Variants in SLC7A1 observed in about 807,000 individuals in gnomAD.
SLC7A1 encodes the protein solute carrier family 7 member 1.
In SLC7A1, 10 loss-of-function variants were observed where a neutral mutation model predicts 53.9. That is an observed-to-expected ratio of 0.19 (90% CI 0.11 to 0.31). The LOEUF (loss-of-function observed/expected upper bound fraction) is 0.31. Ranked by LOEUF, SLC7A1 falls within the 10% of genes least tolerant of loss-of-function variation. The pLI is 1.00. For missense variants in SLC7A1, 525 were observed against 827.2 expected (o/e 0.63, Z 4.48); for synonymous variants, 342 against 338.7 (o/e 1.01, Z -0.11).
chr13:29,525,376 T>C (rs768085954), intron 5 of SLC7A1, among the ~76,000 whole-genome samples: 10 of 152,182 alleles, frequency 6.6e-5, no homozygotes, highest in Non-Finnish European at 1.0e-4. Flanking sequence ...CACTCAACCA[T>C]ATTGACAGCC....
chr13:29,556,086 C>A (rs1870427232), intron 1 of SLC7A1, among the ~76,000 whole-genome samples: 1 of 152,154 alleles, frequency 6.6e-6, no homozygotes, highest in South Asian at 2.1e-4. Flanking sequence ...CTAAAGTGTT[C>A]CTCCCTTTCT....
chr13:29,568,042 G>A (rs1387914712), intron 1 of SLC7A1, among the ~76,000 whole-genome samples: 1 of 151,778 alleles, frequency 6.6e-6, no homozygotes, highest in Non-Finnish European at 1.5e-5. Context: ...GGACTCCATC[G>A]AAAAAATGGC....
chr13:29,583,040 T>C (rs1871720289), intron 1 of SLC7A1, among the ~76,000 whole-genome samples: 1 of 152,184 alleles, frequency 6.6e-6, no homozygotes, highest in South Asian at 2.1e-4. Flanking sequence ...AACAATACGC[T>C]CCAGTTAGTC....
At chr13:29,530,743 C>A in intron 4 of SLC7A1, 31 bp from the exon 5 acceptor site, 1 of 1,602,214 alleles carries the variant, frequency 6.2e-7, no homozygotes, top group Non-Finnish European at 8.5e-7. Context: ...AAAACTTTGT[C>A]TGAGTGTTAA....
chr13:29,570,738 T>C (rs1302509013), intron 1 of SLC7A1, among the ~76,000 whole-genome samples: 2 of 151,906 alleles, frequency 1.3e-5, no homozygotes, highest in African/African-American at 4.8e-5. Context: ...GTGCTTATAG[T>C]CCCAGCAACC....
Position 29,536,172 on chromosome 13 carries a change from A to G in SLC7A1, c.17T>C (p.Leu6Pro). The change falls in exon 3 of 13, where the codon CTG (leucine) becomes CCG (proline). Residue 6 changes from leucine (L) to proline (P), a missense_variant. Physicochemically the swap from Leu to Pro is moderately conservative, Grantham distance 98. Around this residue, in one of 4 missense-constraint regions of SLC7A1, gnomAD observed 354 missense variants for 587.5 expected, o/e 0.60. Transcript: ENST00000380752. ...CAGCATCTGCTGCCCAATGTTGAGC[A>G]GGACTTTGCACCCCATGTTGCTGTT... Reference protein sequence around the residue: MGCKVLLNIGQQMLRR... With the variant: MGCKVPLNIGQQMLRR... The G allele has an allele frequency of 6.2e-7, 1 of 1,613,492 alleles. No homozygotes were observed. The highest frequency in any genetic ancestry group is 8.5e-7 in the Non-Finnish European group (1 of 1,179,640).
chr13:29,567,043 T>C (rs1333440114), intron 1 of SLC7A1, among the ~76,000 whole-genome samples: 1 of 152,228 alleles, frequency 6.6e-6, no homozygotes, highest in Non-Finnish European at 1.5e-5. Flanking sequence ...GTAACCGTCA[T>C]TCTGCTTTGA....
rs1869406132 is a variant in SLC7A1 at position 29,536,115 on chromosome 13, T to G, written c.74A>C (p.Glu25Ala). ...GTTCAGGCAGCGAGACAGCCGCGTCTCCTCCCGGCTACAGTCCACCACCTT... is the reference window on the plus strand; with the variant it reads ...GTTCAGGCAGCGAGACAGCCGCGTCGCCTCCCGGCTACAGTCCACCACCTT... ...RRKVVDCSRE[E>A]TRLSRCLNTF... is the part of the protein sequence containing the mutation. Residue 25 changes from glutamate (E) to alanine (A), a missense_variant, in exon 3 of 13, where the codon GAG becomes GCG. Transcript: ENST00000380752. The G allele has an allele frequency of 6.2e-7, 1 of 1,613,810 alleles. No homozygotes were observed. The highest frequency in any genetic ancestry group is 8.5e-7 in the Non-Finnish European group (1 of 1,180,016).
chr13:29,518,721 T>C (rs192476380), intron 9 of SLC7A1, among the ~76,000 whole-genome samples: 68 of 152,170 alleles, frequency 4.5e-4, no homozygotes, highest in African/African-American at 1.6e-3. Context: ...ATCAATGGCC[T>C]TGCAGGTGGG....
intron 1 of SLC7A1, among the ~76,000 whole-genome samples, chr13:29,590,749 A>G (rs928613251): frequency 1.3e-5 from 2 of 152,190 alleles, no homozygotes; most frequent in Non-Finnish European, 2.9e-5. Flanking sequence ...ACCCAAGGAA[A>G]GAGCACAACA....
chr13:29,525,807 A>G (rs1868859030), intron 5 of SLC7A1, among the ~76,000 whole-genome samples: 1 of 152,244 alleles, frequency 6.6e-6, no homozygotes, highest in Admixed American at 6.5e-5. Context: ...TTAGAGTATG[A>G]CTAAAACTAG....
In SLC7A1 at chr13:29,570,494, T is replaced by C. The variant is rs139688442; in HGVS notation, c.-114-16634A>G. Reference sequence around the variant, plus strand: ...CCCCCTACCTCCATCTTGTTCCTCCTGTGAGGCTCAAGAGACAGTGAGACA... The same window carrying C: ...CCCCCTACCTCCATCTTGTTCCTCCCGTGAGGCTCAAGAGACAGTGAGACA... On this transcript the variant is annotated intron_variant, in intron 1 of 12. Transcript: ENST00000380752. Among the ~76,000 whole-genome samples, 82 of 152,306 alleles carry C rather than the reference T, an allele frequency of 5.4e-4. 2 individuals are homozygous for C. In the East Asian group the frequency reaches 0.014, roughly 26 times the overall value.
chr13:29,571,746 A>G (rs1443148377), intron 1 of SLC7A1, among the ~76,000 whole-genome samples: 1 of 152,224 alleles, frequency 6.6e-6, no homozygotes, highest in African/African-American at 2.4e-5. Context: ...TCCTCCTTCC[A>G]GGAGGTCTGG....
chr13:29,536,517 AAC>A (rs1468168978), intron 2 of SLC7A1, among the ~76,000 whole-genome samples: 3 of 152,204 alleles, frequency 2.0e-5, no homozygotes, highest in African/African-American at 7.2e-5. Flanking sequence ...CAGTAGAGGA[AAC>A]ACACATTAAT....
chr13:29,570,799 A>C (rs1871159876), intron 1 of SLC7A1, among the ~76,000 whole-genome samples: 1 of 151,794 alleles, frequency 6.6e-6, no homozygotes, highest in Non-Finnish European at 1.5e-5. Context: ...TAGAGGTGGC[A>C]GTGAGCCATG....
At chr13:29,525,067 C>A (rs1946274946) in intron 5 of SLC7A1, among the ~76,000 whole-genome samples, 1 of 152,196 alleles carries the variant, frequency 6.6e-6, no homozygotes, top group Non-Finnish European at 1.5e-5. Flanking sequence ...CCTGGCCTGT[C>A]CCCCCACATG....
chr13:29,583,349 C>T (rs1404862856), intron 1 of SLC7A1, among the ~76,000 whole-genome samples: 1 of 152,230 alleles, frequency 6.6e-6, no homozygotes, highest in Admixed American at 6.5e-5. Context: ...GAAACCCATG[C>T]TTTCCCTCTG....
At position 29,580,907 on chromosome 13, in the gene SLC7A1, G is replaced by C. The variant is rs1871618614; in HGVS notation, c.-115+14509C>G. On this transcript the variant is annotated intron_variant, in intron 1 of 12. Transcript: ENST00000380752. ...AATTCAAAAGCTACCCAAAGTCACA[G>C]GGTAAACTGCAAGTGCCCTCTATCC... is the stretch of plus-strand genomic sequence containing the variant. Among the ~76,000 whole-genome samples the C allele has an allele frequency of 2.0e-5, 3 of 151,890 alleles. No homozygotes were observed. In the South Asian group the frequency reaches 6.2e-4, roughly 32 times the overall value.
intron 11 of SLC7A1, chr13:29,516,895 T>A: frequency 2.3e-6 from 1 of 426,138 alleles, no homozygotes; most frequent in South Asian, 6.7e-5. Flanking sequence ...TTGGCCTGTG[T>A]CATGCAGGAA....
Sources: allele counts gnomAD v4.1 joint callset (sites outside exome capture counted in the v4.1 genomes callset), GRCh38; gene constraint gnomAD v4.1.1; regional missense constraint gnomAD v4.1.1; transcripts MANE v1.5; gene names NCBI Gene and HGNC (gene_info 2026-07-23, HGNC 2026-07-21).